LPAR3: variants seen among roughly 807,000 people sequenced by gnomAD.
LPAR3 encodes the protein lysophosphatidic acid receptor 3, also known as LPA receptor 3.
Under a neutral mutation model 17.8 loss-of-function variants are expected in LPAR3, and 7 were observed. The ratio of observed to expected loss-of-function variants is 0.39; its 90% CI spans 0.22 to 0.74. The LOEUF (loss-of-function observed/expected upper bound fraction) is 0.74. LPAR3 is among the 30% of genes least tolerant of loss of function. The probability of loss-of-function intolerance (pLI) is 0.40; values close to 1 mark genes in which losing one functional copy is unlikely to be tolerated. For synonymous variants in LPAR3, 179 were observed against 179.9 expected (o/e 0.99, Z 0.04); for missense variants, 391 against 453.4 (o/e 0.86, Z 1.25).
intron 2 of LPAR3, among the ~76,000 whole-genome samples, chr1:84,826,209 C>T (rs1408021074): frequency 6.6e-6 from 1 of 150,828 alleles, no homozygotes; most frequent in Non-Finnish European, 1.5e-5. Flanking sequence ...ACAGCTATAT[C>T]TTAAAAAAAG....
chr1:84,891,395 C>A (rs1660549452), intron 1 of LPAR3, among the ~76,000 whole-genome samples: 1 of 152,202 alleles, frequency 6.6e-6, no homozygotes, highest in Non-Finnish European at 1.5e-5. Context: ...TCTCAAGGCA[C>A]AAGAGACAAC....
intron 2 of LPAR3, among the ~76,000 whole-genome samples, chr1:84,835,265 A>T (rs1659371928): frequency 6.6e-6 from 1 of 152,186 alleles, no homozygotes; most frequent in Non-Finnish European, 1.5e-5. Context: ...CCAACTCTGG[A>T]TTCTACACCT....
chr1:84,884,379 C>T lies in LPAR3; in HGVS notation c.-19+8637G>A, dbSNP rs189266098. On this transcript the variant is annotated intron_variant, in intron 1 of 2. Transcript: ENST00000370611. ...TGAGAGAATTAAATTTATGTTCAAG[C>T]GCTATTTCTTTGTGGCACCGGGGAA... 3.3e-3 allele frequency among the ~76,000 whole-genome samples: 496 copies of T among 152,288 alleles called. 2 individuals are homozygous for T. Among genetic ancestry groups the T allele is most frequent in the Non-Finnish European group, 4.1e-3 (282 of 68,028 alleles).
intron 1 of LPAR3, among the ~76,000 whole-genome samples, chr1:84,882,146 C>T (rs1031623427): frequency 6.6e-6 from 1 of 152,150 alleles, no homozygotes; most frequent in African/African-American, 2.4e-5. Flanking sequence ...TTGCAGGATA[C>T]AAAATGCACA....
In LPAR3 at chr1:84,818,613, G is replaced by C. The variant is rs1344625675; in HGVS notation, c.737-4442C>G. Among the ~76,000 whole-genome samples, 4 of 152,110 alleles carry C rather than the reference G, an allele frequency of 2.6e-5. No homozygotes were observed. In the East Asian group the frequency reaches 7.7e-4, roughly 29 times the overall value. On this transcript the variant is annotated intron_variant, in intron 2 of 2. Transcript: ENST00000370611. Reference sequence around the variant, plus strand: ...ATGCTTAAAAGAATAAAAAAAATAAGAATACCTGTCTACTTACCACCCAAC... The same window carrying C: ...ATGCTTAAAAGAATAAAAAAAATAACAATACCTGTCTACTTACCACCCAAC...
Position 84,813,490 on chromosome 1 carries a change from T to A in LPAR3, c.*356A>T, listed in dbSNP as rs943624469. The A allele has an allele frequency of 4.9e-6, 1 of 202,160 alleles. No homozygotes were observed. Among genetic ancestry groups the A allele is most frequent in the Non-Finnish European group, 1.0e-5 (1 of 97,250 alleles). 12.5% of individuals were successfully genotyped at this position (202,160 alleles called of 1,614,324 possible). ...ATATAAGGTGGCTCAAGTAACATTA[T>A]GATTTATTTTGGTCTAAGCCCTTTC... On this transcript the variant is annotated 3_prime_UTR_variant, in exon 3 of 3. Transcript: ENST00000370611.
rs1659292806 is a variant in LPAR3, at chr1:84,832,015, C to T, written c.737-17844G>A. ...TCCCATTAGAGAAATGTTGAACATT[C>T]CAGACTCTTGGGTGGAAACCTAGTT... On this transcript the variant is annotated intron_variant, in intron 2 of 2. Transcript: ENST00000370611. Among the ~76,000 whole-genome samples, 7 of 152,076 alleles carry T rather than the reference C, an allele frequency of 4.6e-5. No homozygotes were observed. The South Asian group carries it at 1.5e-3, about 32-fold the overall frequency.
At chr1:84,821,549 T>C (rs879626735) in intron 2 of LPAR3, among the ~76,000 whole-genome samples, 16 of 152,196 alleles carry the variant, frequency 1.1e-4, no homozygotes, top group Non-Finnish European at 2.2e-4. Flanking sequence ...CTGCTTAATA[T>C]TCTGATTTCT....
rs139976875 is a variant in LPAR3 at position 84,891,324 on chromosome 1, T to C, written c.-19+1692A>G. 9.6e-3 allele frequency among the ~76,000 whole-genome samples: 1,465 copies of C among 152,300 alleles called. 18 individuals are homozygous for C. Among genetic ancestry groups the C allele is most frequent in the African/African-American group, 0.033 (1,356 of 41,556 alleles). ...TTAGTTATATGATAGTGACAATCAA[T>C]GTAAGTGTTGTCCAAATAGTTAGAC... On this transcript the variant is annotated intron_variant, in intron 1 of 2. Transcript: ENST00000370611.
chr1:84,887,348 G>A (rs1287800395), intron 1 of LPAR3, among the ~76,000 whole-genome samples: 2 of 151,174 alleles, frequency 1.3e-5, no homozygotes, highest in Non-Finnish European at 2.9e-5. Context: ...CTGCACTCCA[G>A]CATGGCAACA....
intron 1 of LPAR3, among the ~76,000 whole-genome samples, chr1:84,892,806 T>C (rs1660576825): frequency 6.6e-6 from 1 of 152,052 alleles, no homozygotes; most frequent in African/African-American, 2.4e-5. Context: ...GGGAAAAAGG[T>C]GGGAAAAGAG....
In LPAR3 at chr1:84,814,125, G is replaced by A. The variant is rs775318808; in HGVS notation, c.783C>T (p.Leu261=). The part of the protein sequence containing the change: ...CWTPGLVVLL[L]DGLNCRQCGV... The stretch of plus-strand genomic sequence containing the variant: ...CACACTGCCTGCAGTTCAGGCCGTC[G>A]AGGAGCAGAACCACCAGGCCCGGGG... Residue 261 remains leucine (L), a synonymous_variant, in exon 3 of 3, where the codon CTC becomes CTT. Transcript: ENST00000370611. 20 of 1,613,998 alleles carry A rather than the reference G, an allele frequency of 1.2e-5. No homozygotes were observed. The highest frequency in any genetic ancestry group is 4.0e-5 in the African/African-American group (3 of 74,910).
Position 84,869,375 on chromosome 1 carries a change from G to A in LPAR3, c.-18-3237C>T, listed in dbSNP as rs1256857430. On this transcript the variant is annotated intron_variant, in intron 1 of 2. Transcript: ENST00000370611. Reference sequence around the variant, plus strand: ...GCCAGAACTCCCACTAAGCAGCACTGTACCCTGGTTCCAGATCCTACTTTT... The same window carrying A: ...GCCAGAACTCCCACTAAGCAGCACTATACCCTGGTTCCAGATCCTACTTTT... 2.0e-5 allele frequency among the ~76,000 whole-genome samples: 3 copies of A among 152,112 alleles called. 1 individual carries two copies. The East Asian group carries it at 5.8e-4, about 29-fold the overall frequency.
At chr1:84,884,260 G>A (rs996788468) in intron 1 of LPAR3, among the ~76,000 whole-genome samples, 1 of 152,228 alleles carries the variant, frequency 6.6e-6, no homozygotes, top group Non-Finnish European at 1.5e-5. Context: ...ATGTGTAAGG[G>A]ATAAATATGT....
At chr1:84,884,287 T>C (rs1165456398) in intron 1 of LPAR3, among the ~76,000 whole-genome samples, 1 of 152,238 alleles carries the variant, frequency 6.6e-6, no homozygotes, top group Non-Finnish European at 1.5e-5. Flanking sequence ...TTCCTTTGTT[T>C]GGTGTACTCT....
At chr1:84,879,905 C>T (rs578130165) in intron 1 of LPAR3, among the ~76,000 whole-genome samples, 27 of 152,142 alleles carry the variant, frequency 1.8e-4, no homozygotes, top group Admixed American at 6.5e-4. Context: ...CCTAAATCCA[C>T]GTAGTCCATG....
At chr1:84,870,885 A>G (rs1660147064) in intron 1 of LPAR3, among the ~76,000 whole-genome samples, 1 of 152,244 alleles carries the variant, frequency 6.6e-6, no homozygotes, top group Admixed American at 6.5e-5. Context: ...TATACTTACA[A>G]GAGTTACAGA....
chr1:84,860,898 C>G (rs1659927702), intron 2 of LPAR3, among the ~76,000 whole-genome samples: 1 of 151,904 alleles, frequency 6.6e-6, no homozygotes, highest in Non-Finnish European at 1.5e-5. Flanking sequence ...ACCATCAAAC[C>G]CAGCTAATTT....
intron 2 of LPAR3, among the ~76,000 whole-genome samples, chr1:84,818,527 AG>A (rs907470932): frequency 1.3e-5 from 2 of 152,002 alleles, no homozygotes; most frequent in African/African-American, 4.8e-5. Flanking sequence ...CACGCATGCC[AG>A]GGGGGTGTAT....
Sources: allele counts gnomAD v4.1 joint callset (sites outside exome capture counted in the v4.1 genomes callset), GRCh38; gene constraint gnomAD v4.1.1; transcripts MANE v1.5; gene names NCBI Gene and HGNC (gene_info 2026-07-23, HGNC 2026-07-21).